COL4A4: variants seen among roughly 807,000 people sequenced by gnomAD.
COL4A4 encodes the protein collagen type IV alpha 4 chain.
In COL4A4, 105 loss-of-function variants were observed where a neutral mutation model predicts 192.9. The ratio of observed to expected loss-of-function variants is 0.54; its 90% CI spans 0.46 to 0.64. The LOEUF is 0.64. Ranked by LOEUF, COL4A4 falls within the 30% of genes least tolerant of loss-of-function variation. COL4A4 has a pLI of 0.00. For synonymous variants in COL4A4, 762 were observed against 769.9 expected (o/e 0.99, Z 0.17); for missense variants, 1,967 against 2,169.3 (o/e 0.91, Z 1.85).
intron 1 of COL4A4, among the ~76,000 whole-genome samples, chr2:227,149,590 G>A (rs1378881354): frequency 1.3e-5 from 2 of 152,084 alleles, no homozygotes; most frequent in African/African-American, 4.8e-5. Flanking sequence ...GTTTTGGAAG[G>A]AAAACGCAAA....
rs778832281 is a variant in COL4A4 at position 227,062,516 on chromosome 2, C to T, written c.2056+14G>A. ...TGGGAAGTATATAAGACAGTAACTT[C>T]TCATTGATAATACCTGGAGGTCCAT... On this transcript the variant is annotated intron_variant, in intron 26 of 47. Coordinates refer to ENST00000396625, the MANE Select transcript of COL4A4 (RefSeq NM_000092.5). 1 of 1,529,972 alleles carries T rather than the reference C, an allele frequency of 6.5e-7. No individual in the cohort carries two copies. Among genetic ancestry groups the T allele is most frequent in the East Asian group, 2.2e-5 (1 of 44,482 alleles). The allele number at this position is 1,529,972 out of a possible 1,614,324, so 94.8% of individuals were successfully genotyped here. A position where few individuals can be genotyped will look rare whatever the true frequency, so the allele number is the denominator to read the frequency against.
the COL4A4 span, chr2:226,969,097 G>GA: frequency 5.0e-6 from 1 of 199,182 alleles, no homozygotes; most frequent in African/African-American, 2.3e-5. Context: ...CCACCAACCA[G>GA]AAGCTACTCT....
intron 21 of COL4A4, 70 bp from the exon 22 acceptor site, chr2:227,088,886 C>T: frequency 6.5e-7 from 1 of 1,543,474 alleles, no homozygotes. Context: ...CTTTACTGTA[C>T]AAAACCAATA....
intron 21 of COL4A4, 31 bp downstream of exon 21, chr2:227,089,837 T>C (rs1359570150): frequency 6.5e-6 from 10 of 1,550,324 alleles, no homozygotes; most frequent in Non-Finnish European, 8.9e-6. Flanking sequence ...ACAGTTGTCT[T>C]CTAGAAATTC....
In COL4A4 at chr2:227,068,847, G is replaced by A. The variant is rs1159105858; in HGVS notation, c.1988-6249C>T. ...TCTCTCACCACTCCTATTCAACATA[G>A]TGTTGGAAGTTCTGGCCAGGGCAAT... is the stretch of plus-strand genomic sequence containing the variant. On this transcript the variant is annotated intron_variant, in intron 25 of 47. Transcript: ENST00000396625. Among the ~76,000 whole-genome samples the A allele has an allele frequency of 7.1e-4, 106 of 148,938 alleles. 1 individual carries two copies. In the Middle Eastern group the frequency reaches 0.01, roughly 15 times the overall value.
At chr2:227,050,856 A>T in intron 33 of COL4A4, 121 bp downstream of exon 33, 2 of 1,172,952 alleles carry the variant, frequency 1.7e-6, no homozygotes, top group Non-Finnish European at 2.5e-6. Context: ...GCTACACCTT[A>T]CATTCTAAAA....
In COL4A4 at chr2:227,015,111, G is replaced by A. The variant is rs564531865; in HGVS notation, c.4217-2814C>T. Among the ~76,000 whole-genome samples, 3 of 152,140 alleles carry A rather than the reference G, an allele frequency of 2.0e-5. No individual in the cohort carries two copies. In the South Asian group the frequency reaches 6.2e-4, roughly 32 times the overall value. On this transcript the variant is annotated intron_variant, in intron 44 of 47. Coordinates refer to ENST00000396625, the MANE Select transcript of COL4A4 (RefSeq NM_000092.5). ...AGACAGGGTTTCACCATGTTGGCCAGGCTGGTCTCAAACTGCTGACCTCAG... is the reference window on the plus strand; with the variant it reads ...AGACAGGGTTTCACCATGTTGGCCAAGCTGGTCTCAAACTGCTGACCTCAG...
At chr2:227,011,375 C>T (rs1472121987) in intron 45 of COL4A4, among the ~76,000 whole-genome samples, 1 of 152,216 alleles carries the variant, frequency 6.6e-6, no homozygotes, top group Non-Finnish European at 1.5e-5. Flanking sequence ...AAGGATTTTA[C>T]AAGTTGATAT....
intron 25 of COL4A4, 100 bp from the exon 26 acceptor site, chr2:227,062,698 T>C (rs1450428470): frequency 1.2e-6 from 1 of 831,778 alleles, no homozygotes; most frequent in African/African-American, 1.7e-5. Context: ...TTCTGTATAG[T>C]ATATGCAGAA....
intron 29 of COL4A4, among the ~76,000 whole-genome samples, chr2:227,056,736 T>A (rs934377734): frequency 7.9e-5 from 12 of 152,184 alleles, no homozygotes; most frequent in African/African-American, 2.9e-4. Flanking sequence ...AGGTGAACAC[T>A]TGGGGAGGTG....
the COL4A4 span, among the ~76,000 whole-genome samples, chr2:226,968,548 C>T: frequency 6.6e-6 from 1 of 152,222 alleles, no homozygotes; most frequent in Non-Finnish European, 1.5e-5. Flanking sequence ...GATGCCTTCA[C>T]AGCAGCACCC....
At chr2:227,070,546 A>G (rs2058652667) in intron 25 of COL4A4, among the ~76,000 whole-genome samples, 1 of 152,170 alleles carries the variant, frequency 6.6e-6, no homozygotes, top group South Asian at 2.1e-4. Context: ...GCCATAAAAA[A>G]CAATGAGTGC....
At chr2:226,984,458 G>C in the COL4A4 span, among the ~76,000 whole-genome samples, 97 of 152,230 alleles carry the variant, frequency 6.4e-4, no homozygotes, top group African/African-American at 2.1e-3. Flanking sequence ...ATGCCATCAC[G>C]GGGGCTCCAC....
intron 25 of COL4A4, among the ~76,000 whole-genome samples, chr2:227,070,089 C>T (rs1288120398): frequency 2.0e-5 from 3 of 152,054 alleles, no homozygotes; most frequent in Non-Finnish European, 2.9e-5. Flanking sequence ...CAAAAGAAGA[C>T]ATTTATGCAG....
Position 227,007,205 on chromosome 2 carries a change from CAG to C in COL4A4, c.*118_*119del. 7.2e-7 allele frequency: 1 copy of C among 1,389,170 alleles called. No individual in the cohort carries two copies. Among genetic ancestry groups the C allele is most frequent in the East Asian group, 2.3e-5 (1 of 43,874 alleles). 86.1% of individuals were successfully genotyped at this position (1,389,170 alleles called of 1,614,324 possible). On this transcript the variant is annotated 3_prime_UTR_variant, in exon 48 of 48. Transcript: ENST00000396625. ...GACTCTGGGAATAACCACGACAAAA[CAG>C]AAGGAACCACTGAAAGGGAGTCCAA...
chr2:227,062,010 T>A (rs1391836668), intron 26 of COL4A4, among the ~76,000 whole-genome samples: 1 of 152,046 alleles, frequency 6.6e-6, no homozygotes, highest in South Asian at 2.1e-4. Flanking sequence ...GAGGCCGAGG[T>A]GGGCGGATCA....
chr2:227,052,036 C>T (rs1012045591), intron 32 of COL4A4, among the ~76,000 whole-genome samples: 9 of 151,972 alleles, frequency 5.9e-5, no homozygotes, highest in African/African-American at 2.2e-4. Flanking sequence ...ACTAAAAATA[C>T]AAAAATTAGC....
At chr2:227,000,331 T>C (rs1575645418), downstream of COL4A4, among the ~76,000 whole-genome samples, 1 of 152,198 alleles carries the variant, frequency 6.6e-6, no homozygotes, top group East Asian at 1.9e-4. Context: ...CCAAAGTACT[T>C]CTCAAATTTC....
intron 7 of COL4A4, 49 bp from the exon 8 acceptor site, chr2:227,114,745 T>C: frequency 7.3e-7 from 1 of 1,375,520 alleles, no homozygotes; most frequent in Non-Finnish European, 1.0e-6. Flanking sequence ...CATATTACCA[T>C]TTCAGTATTT....
Sources: gnomAD v4.1 joint callset for allele counts (sites outside exome capture counted in the v4.1 genomes callset) on GRCh38, gnomAD v4.1.1 for gene constraint, MANE v1.5 for transcripts, NCBI Gene and HGNC (gene_info 2026-07-23, HGNC 2026-07-21) for gene names.